Variants in EIF4G3 observed in about 807,000 individuals in gnomAD.
The protein encoded by EIF4G3 is eukaryotic translation initiation factor 4 gamma 3, also known as eIF-4-gamma 3.
EIF4G3 carries 34 observed loss-of-function variants against 186.4 expected under a neutral mutation model. The observed-to-expected ratio is 0.18, with a 90% CI of 0.14 to 0.24. The LOEUF (loss-of-function observed/expected upper bound fraction) is 0.24. Among genes scored for constraint, EIF4G3 ranks in the 10% least tolerant of loss-of-function variants. The pLI is 1.00. For synonymous variants in EIF4G3, 673 were observed against 679.5 expected, an observed-to-expected ratio of 0.99 and a Z score of 0.15; for missense variants, 1,536 against 1,948.5, an observed-to-expected ratio of 0.79 and a Z score of 3.99.
At chr1:21,138,353 C>T (rs781635784) in intron 2 of EIF4G3, among the ~76,000 whole-genome samples, 14 of 152,108 alleles carry the variant, frequency 9.2e-5, no homozygotes, top group African/African-American at 3.4e-4. Context: ...TGACCCAAGT[C>T]CCTCAAGAGT....
intron 2 of EIF4G3, among the ~76,000 whole-genome samples, chr1:21,158,002 G>A (rs1166066739): frequency 6.6e-6 from 1 of 151,930 alleles, no homozygotes; most frequent in Admixed American, 6.6e-5. Flanking sequence ...GTAAGTTTCC[G>A]AAGGCTATTT....
intron 14 of EIF4G3, among the ~76,000 whole-genome samples, chr1:20,934,768 GT>G (rs1298688146): frequency 2.0e-5 from 3 of 152,054 alleles, no homozygotes; most frequent in African/African-American, 7.2e-5. Context: ...TGATAGGTAT[GT>G]TTTTCAAAAG....
At chr1:20,873,703 A>G (rs2079887901) in intron 20 of EIF4G3, among the ~76,000 whole-genome samples, 1 of 144,552 alleles carries the variant, frequency 6.9e-6, no homozygotes, top group African/African-American at 2.6e-5. Flanking sequence ...AATAACATTG[A>G]ATGTCTTTTT....
chr1:21,050,533 GC>G (rs1287541517), intron 4 of EIF4G3, among the ~76,000 whole-genome samples: 1 of 152,228 alleles, frequency 6.6e-6, no homozygotes, highest in African/African-American at 2.4e-5. Flanking sequence ...CGAAAGGGGT[GC>G]GAGACGGTAG....
chr1:20,823,022 C>CT (rs1187127054), intron 33 of EIF4G3, among the ~76,000 whole-genome samples: 2 of 151,740 alleles, frequency 1.3e-5, no homozygotes, highest in East Asian at 3.9e-4. Context: ...ACTGCAAAGT[C>CT]TAATTTTTTG....
rs374602590 is a variant in EIF4G3, at chr1:20,980,340, C to T, written c.487G>A (p.Ala163Thr). Residue 163 changes from alanine to threonine, a missense_variant, in exon 10 of 37, where the codon GCT becomes ACT. This residue lies in a region of EIF4G3 where 194 missense variants were observed against 212.8 expected (regional missense o/e 0.91). Transcript: ENST00000602326. ...PGPGPGDFPN[A>T]YGTPFYPSQP... The stretch of plus-strand genomic sequence containing the variant: ...CTTGACTTTTCCTACTTACCATAAG[C>T]ATTGGGGAAGTCCCCAGGTCCTGGT... The T allele has an allele frequency of 1.9e-5, 29 of 1,547,900 alleles. No homozygotes were observed. In the African/African-American group the frequency reaches 4.0e-4, roughly 21 times the overall value.
intron 7 of EIF4G3, among the ~76,000 whole-genome samples, chr1:20,989,705 C>T (rs2080608344): frequency 6.6e-6 from 1 of 151,916 alleles, no homozygotes; most frequent in Admixed American, 6.6e-5. Context: ...GAATCTACTC[C>T]CGGTAAGGAG....
intron 4 of EIF4G3, among the ~76,000 whole-genome samples, chr1:21,038,974 G>T (rs537914559): frequency 6.6e-6 from 1 of 152,138 alleles, no homozygotes; most frequent in African/African-American, 2.4e-5. Flanking sequence ...GGAATCTCAA[G>T]GGTCCCCCAA....
intron 13 of EIF4G3, among the ~76,000 whole-genome samples, chr1:20,943,764 ATAT>A (rs2095809781): frequency 6.6e-6 from 1 of 152,202 alleles, no homozygotes; most frequent in African/African-American, 2.4e-5. Flanking sequence ...TACCATTAAG[ATAT>A]TATTAATTCA....
At chr1:20,861,324 T>TA (rs1457551915) in intron 23 of EIF4G3, among the ~76,000 whole-genome samples, 1 of 151,918 alleles carries the variant, frequency 6.6e-6, no homozygotes, top group Non-Finnish European at 1.5e-5. Context: ...CTGTAGGAGT[T>TA]AAACTTAAAA....
chr1:20,938,374 T>C (rs751022185), intron 14 of EIF4G3, among the ~76,000 whole-genome samples: 5 of 152,350 alleles, frequency 3.3e-5, no homozygotes, highest in South Asian at 2.1e-4. Flanking sequence ...AACTAAAAGA[T>C]ACCATATCCC....
Position 20,863,994 on chromosome 1 carries a change from G to A in EIF4G3, c.3006+482C>T, listed in dbSNP as rs370901668. Among the ~76,000 whole-genome samples, 16 of 152,170 alleles carry A rather than the reference G, an allele frequency of 1.1e-4. 1 individual carries two copies. Among genetic ancestry groups the A allele is most frequent in the East Asian group, 1.9e-4 (1 of 5,174 alleles). ...CTAGCTGAATCAGATGTTATGGAGC[G>A]TTTCTGACATTATTTCTTTGAAGCA... On this transcript the variant is annotated intron_variant, in intron 22 of 36. Transcript: ENST00000602326.
At chr1:20,989,951 C>T (rs1034995562) in intron 7 of EIF4G3, among the ~76,000 whole-genome samples, 2 of 151,970 alleles carry the variant, frequency 1.3e-5, no homozygotes, top group African/African-American at 4.8e-5. Flanking sequence ...CCGAAACGGG[C>T]GGATCACCTG....
Position 20,971,917 on chromosome 1 carries a change from G to A in EIF4G3, c.591+1085C>T, listed in dbSNP as rs190326347. Among the ~76,000 whole-genome samples, 1,258 of 152,292 alleles carry A rather than the reference G, an allele frequency of 8.3e-3. 11 individuals are homozygous for A. Among genetic ancestry groups the A allele is most frequent in the Non-Finnish European group, 0.013 (869 of 68,026 alleles). Reference sequence around the variant, plus strand: ...CAAAGTGCTGGGGTTACAGGTGTGAGCCACTGTACCCGGCCTGAACCTCAT... The same window carrying A: ...CAAAGTGCTGGGGTTACAGGTGTGAACCACTGTACCCGGCCTGAACCTCAT... On this transcript the variant is annotated intron_variant, in intron 11 of 36. Coordinates refer to ENST00000602326, the MANE Select transcript of EIF4G3 (RefSeq NM_001391906.1).
intron 18 of EIF4G3, among the ~76,000 whole-genome samples, chr1:20,889,483 A>G (rs1368347512): frequency 6.6e-6 from 1 of 152,168 alleles, no homozygotes; most frequent in African/African-American, 2.4e-5. Flanking sequence ...AACACAACTG[A>G]TAAGTAATTT....
intron 18 of EIF4G3, among the ~76,000 whole-genome samples, chr1:20,889,778 C>A (rs189218849): frequency 6.6e-6 from 1 of 152,064 alleles, no homozygotes; most frequent in Non-Finnish European, 1.5e-5. Context: ...GCGTGAACCA[C>A]CACGCCCGGC....
chr1:20,891,114 T>C (rs1024669064), intron 18 of EIF4G3, among the ~76,000 whole-genome samples: 2 of 152,040 alleles, frequency 1.3e-5, no homozygotes, highest in Admixed American at 6.5e-5. Context: ...TACAGAGGAG[T>C]GGTATATGCT....
At chr1:20,837,951 G>A (rs544401479) in intron 30 of EIF4G3, among the ~76,000 whole-genome samples, 15 of 152,266 alleles carry the variant, frequency 9.9e-5, no homozygotes, top group Middle Eastern at 3.4e-3. Flanking sequence ...TCTAAGCATC[G>A]AAGGTTAGGC....
chr1:21,008,213 A>G (rs977902311), intron 4 of EIF4G3, among the ~76,000 whole-genome samples: 1 of 152,258 alleles, frequency 6.6e-6, no homozygotes, highest in Non-Finnish European at 1.5e-5. Flanking sequence ...AGTTCTAAAT[A>G]ATTTTTGATA....
Sources: allele counts gnomAD v4.1 joint callset (sites outside exome capture counted in the v4.1 genomes callset), GRCh38; gene constraint gnomAD v4.1.1; regional missense constraint gnomAD v4.1.1; transcripts MANE v1.5; gene names NCBI Gene and HGNC (gene_info 2026-07-23, HGNC 2026-07-21).